The following ABI3BP variants were observed in gnomAD, a reference collection of about 807,000 sequenced individuals.
ABI3BP encodes ABI family member 3 binding protein.
In ABI3BP, 216 loss-of-function variants were observed where a neutral mutation model predicts 268.6. That is an observed-to-expected ratio of 0.80 (90% CI 0.72 to 0.90). The LOEUF is 0.90. ABI3BP is among the 40% of genes least tolerant of loss of function. ABI3BP has a pLI of 0.00. For missense variants in ABI3BP, 2,090 were observed against 2,182.4 expected (o/e 0.96, Z 0.84); for synonymous variants, 730 against 730.0 (o/e 1.00, Z 0.00).
chr3:100,875,481 TCGGCA>T (rs760039041), intron 8 of ABI3BP, 22 bp downstream of exon 8: 56 of 1,497,498 alleles, frequency 3.7e-5, no homozygotes, highest in African/African-American at 6.4e-5. Context: ...TTGCTTAATC[TCGGCA>T]TAGATTTCGA....
Position 100,868,465 on chromosome 3 carries a change from T to A in ABI3BP, c.911-1509A>T, listed in dbSNP as rs151198682. 3.9e-3 allele frequency among the ~76,000 whole-genome samples: 589 copies of A among 152,380 alleles called. 8 individuals carry two copies. Among genetic ancestry groups the A allele is most frequent in the African/African-American group, 0.014 (567 of 41,590 alleles). On this transcript the variant is annotated intron_variant, in intron 9 of 67. Coordinates refer to ENST00000471714, the MANE Select transcript of ABI3BP (RefSeq NM_001375547.2). ...AATTCTTTGAACATGTATTTTATAATCTGTAGTTCACTTTATTTTTGTAAA... is the reference window on the plus strand; with the variant it reads ...AATTCTTTGAACATGTATTTTATAAACTGTAGTTCACTTTATTTTTGTAAA...
chr3:100,836,974 T>C (rs1458362625), intron 27 of ABI3BP, 150 bp downstream of exon 27: 1 of 682,024 alleles, frequency 1.5e-6, no homozygotes, highest in East Asian at 2.8e-5. Flanking sequence ...CTAATGATGT[T>C]AAAAAGGCCC....
chr3:100,853,620 A>G (rs1236181428), intron 14 of ABI3BP, among the ~76,000 whole-genome samples: 3 of 152,134 alleles, frequency 2.0e-5, no homozygotes, highest in Non-Finnish European at 2.9e-5. Context: ...CAATTTTCCT[A>G]TAGTCTGTAT....
Position 100,874,151 on chromosome 3 carries a change from T to G in ABI3BP, c.910+690A>C, listed in dbSNP as rs114640447. Among the ~76,000 whole-genome samples, 482 of 152,112 alleles carry G rather than the reference T, an allele frequency of 3.2e-3. 3 individuals carry two copies. Among genetic ancestry groups the G allele is most frequent in the African/African-American group, 0.011 (466 of 41,494 alleles). ...CAGAAATGCAAATTCTCAGGCCCCA[T>G]ACCGGACCTACTGAATCAGTAATTC... On this transcript the variant is annotated intron_variant, in intron 9 of 67. Coordinates refer to ENST00000471714, the MANE Select transcript of ABI3BP (RefSeq NM_001375547.2).
At position 100,808,397 on chromosome 3, in the gene ABI3BP, A is replaced by G. The variant is rs182123835; in HGVS notation, c.3608-162T>C. On this transcript the variant is annotated intron_variant, in intron 49 of 67. Coordinates refer to ENST00000471714, the MANE Select transcript of ABI3BP (RefSeq NM_001375547.2). ...AAGTATAGGAAGGTAACTTTTTTATATAACAGAAAACAAAACAAAAAGTCA... is the reference window on the plus strand; with the variant it reads ...AAGTATAGGAAGGTAACTTTTTTATGTAACAGAAAACAAAACAAAAAGTCA... 1.8e-4 allele frequency among the ~76,000 whole-genome samples: 28 copies of G among 152,184 alleles called. No individual in the cohort carries two copies. In the East Asian group the frequency reaches 5.0e-3, roughly 27 times the overall value.
At chr3:100,825,897 G>T in intron 34 of ABI3BP, 53 bp from the exon 35 acceptor site, 1 of 1,296,274 alleles carries the variant, frequency 7.7e-7, no homozygotes, top group Non-Finnish European at 1.1e-6. Context: ...GGGAGCTATA[G>T]TATTCACATC....
At position 100,954,752 on chromosome 3, in the gene ABI3BP, T is replaced by A. The variant is rs141179973; in HGVS notation, c.80-28271A>T. ...TCTTGTTTGAGTGCCAATGGATTAG[T>A]CCATCTGCATTATTACTAATGGGGT... On this transcript the variant is annotated intron_variant, in intron 1 of 67. Coordinates refer to ENST00000471714, the MANE Select transcript of ABI3BP (RefSeq NM_001375547.2). Among the ~76,000 whole-genome samples, 1,079 of 152,250 alleles carry A rather than the reference T, an allele frequency of 7.1e-3. 10 individuals are homozygous for A. The highest frequency in any genetic ancestry group is 0.025 in the African/African-American group (1,034 of 41,556).
rs1479588820 is a variant in ABI3BP, at chr3:100,754,771, C to A, written c.4851-80G>T. 5 of 1,111,532 alleles carry A rather than the reference C, an allele frequency of 4.5e-6. No homozygotes were observed. The East Asian group carries it at 1.0e-4, about 23-fold the overall frequency. 68.9% of individuals were successfully genotyped at this position (1,111,532 alleles called of 1,614,324 possible). ...CAACATTGCCCTATTATACGGACAT[C>A]CACTATACTGACATCCCTTTGAAAT... On this transcript the variant is annotated intron_variant, in intron 63 of 67. Coordinates refer to ENST00000471714, the MANE Select transcript of ABI3BP (RefSeq NM_001375547.2).
intron 51 of ABI3BP, among the ~76,000 whole-genome samples, chr3:100,801,833 T>C (rs2097545139): frequency 6.6e-6 from 1 of 152,188 alleles, no homozygotes; most frequent in Non-Finnish European, 1.5e-5. Context: ...AGGAGGCAGT[T>C]CTCTACCCTG....
Position 100,749,590 on chromosome 3 carries a change from T to G in ABI3BP, c.*905A>C. Reference sequence around the variant, plus strand: ...GTTACAAAGACATTCTCTGATACATTCATTCATAGAGGTCTTAACGTATAA... The same window carrying G: ...GTTACAAAGACATTCTCTGATACATGCATTCATAGAGGTCTTAACGTATAA... On this transcript the variant is annotated 3_prime_UTR_variant, in exon 68 of 68. Coordinates refer to ENST00000471714, the MANE Select transcript of ABI3BP (RefSeq NM_001375547.2). The G allele has an allele frequency of 2.5e-6, 1 of 398,178 alleles. No individual in the cohort carries two copies. 24.7% of individuals were successfully genotyped at this position (398,178 alleles called of 1,614,324 possible). A position where few individuals can be genotyped will look rare whatever the true frequency, so the allele number is the denominator to read the frequency against.
At chr3:100,751,431 C>T (rs2095320551) in intron 67 of ABI3BP, 121 bp downstream of exon 67, 12 of 1,071,702 alleles carry the variant, frequency 1.1e-5, no homozygotes, top group Non-Finnish European at 1.2e-5. Context: ...TCATTTTTTC[C>T]TAGATATGTG....
At chr3:100,936,339 G>GT (rs1345047514) in intron 1 of ABI3BP, among the ~76,000 whole-genome samples, 2 of 152,172 alleles carry the variant, frequency 1.3e-5, no homozygotes, top group Non-Finnish European at 2.9e-5. Context: ...CTTGATCGTG[G>GT]TGGATAAGCT....
At chr3:100,763,378 G>A (rs1470951010) in intron 63 of ABI3BP, among the ~76,000 whole-genome samples, 2 of 151,376 alleles carry the variant, frequency 1.3e-5, no homozygotes, top group Admixed American at 6.6e-5. Context: ...CAGGAGAATC[G>A]CTTGAACCCT....
intron 36 of ABI3BP, among the ~76,000 whole-genome samples, chr3:100,823,999 T>C (rs1381647988): frequency 1.3e-5 from 2 of 152,200 alleles, no homozygotes; most frequent in African/African-American, 2.4e-5. Context: ...AACTCATCTA[T>C]ACACAGAGTT....
chr3:100,922,304 C>G (rs1431171941), intron 2 of ABI3BP, among the ~76,000 whole-genome samples: 1 of 151,992 alleles, frequency 6.6e-6, no homozygotes, highest in Non-Finnish European at 1.5e-5. Flanking sequence ...AGGATAATGC[C>G]CCCAACAAAG....
chr3:100,889,211 T>C (rs1187050040), intron 4 of ABI3BP, among the ~76,000 whole-genome samples: 2 of 152,138 alleles, frequency 1.3e-5, no homozygotes, highest in African/African-American at 4.8e-5. Context: ...CTATTCCATT[T>C]AATCCATACA....
At position 100,805,420 on chromosome 3, in the gene ABI3BP, A is replaced by G. The variant is rs538958745; in HGVS notation, c.3683-554T>C. Among the ~76,000 whole-genome samples the G allele has an allele frequency of 2.0e-5, 3 of 152,216 alleles. No homozygotes were observed. The South Asian group carries it at 6.2e-4, about 32-fold the overall frequency. ...GAAACCTTCAAATGAATTTGCTGAC[A>G]ACTAAAATTAGATTTCCACAACTGT... On this transcript the variant is annotated intron_variant, in intron 50 of 67. Transcript: ENST00000471714.
chr3:100,874,010 A>T (rs12494604), intron 9 of ABI3BP, among the ~76,000 whole-genome samples: 7 of 152,044 alleles, frequency 4.6e-5, no homozygotes, highest in African/African-American at 9.7e-5. Flanking sequence ...CAATTTCTAC[A>T]GCACCATTTC....
chr3:100,824,918 G>A lies in ABI3BP; in HGVS notation c.2686C>T (p.Arg896Cys), dbSNP rs768968074. ...TLATKTSKRT[R>C]PPRPRPKTTP... ...GTTTTAGGTCTGGGACGTGGAGGGC[G>A]GGTTCTTTTTGATGTTTTGGTAGCT... is the stretch of plus-strand genomic sequence containing the variant. Residue 896 changes from arginine (R) to cysteine (C), a missense_variant, in exon 36 of 68, where the codon CGC (arginine) becomes TGC (cysteine). By Grantham distance (180) the Arg-to-Cys change is radical. Transcript: ENST00000471714. 46 of 1,535,670 alleles carry A rather than the reference G, an allele frequency of 3.0e-5. No individual in the cohort carries two copies. The highest frequency in any genetic ancestry group is 3.3e-4 in the Middle Eastern group (2 of 6,016).
Sources: allele counts gnomAD v4.1 joint callset (sites outside exome capture counted in the v4.1 genomes callset), GRCh38; gene constraint gnomAD v4.1.1; transcripts MANE v1.5; gene names NCBI Gene and HGNC (gene_info 2026-07-23, HGNC 2026-07-21).